The following ZNRF1 variants were observed in gnomAD, a reference collection of about 807,000 sequenced individuals.
ZNRF1 encodes E3 ubiquitin-protein ligase ZNRF1.
Under a neutral mutation model 18.4 loss-of-function variants are expected in ZNRF1, and 3 were observed. The ratio of observed to expected loss-of-function variants is 0.16; its 90% confidence interval spans 0.07 to 0.42. The LOEUF (loss-of-function observed/expected upper bound fraction) is 0.42, where lower values mean the gene tolerates loss of function less well. ZNRF1 is among the 10% of genes least tolerant of loss of function. The pLI is 0.99. For missense variants in ZNRF1, 310 were observed against 329.8 expected (o/e 0.94, Z 0.47); for synonymous variants, 157 against 144.2 (o/e 1.09, Z -0.64).
At chr16:75,080,316 CAGAA>C (rs2035994656) in intron 1 of ZNRF1, among the ~76,000 whole-genome samples, 1 of 152,182 alleles carries the variant, frequency 6.6e-6, no homozygotes, top group African/African-American at 2.4e-5. Context: ...CCTCCAGTGA[CAGAA>C]AGGCTGGGCT....
chr16:75,086,948 G>C (rs920997710), intron 1 of ZNRF1, among the ~76,000 whole-genome samples: 17 of 152,148 alleles, frequency 1.1e-4, no homozygotes, highest in Non-Finnish European at 1.9e-4. Flanking sequence ...CATGGGGAGG[G>C]GGGCAGAAGG....
rs2035869593 is a variant in ZNRF1 at position 75,071,456 on chromosome 16, G to A, written c.425-22116G>A. ...CTCCACAGAGACCTCAGCAAGGGCC[G>A]TCAATCCAAATGCTGATGGTGGCCT... is the stretch of plus-strand genomic sequence containing the variant. On this transcript the variant is annotated intron_variant, in intron 1 of 4. Coordinates refer to ENST00000335325, the MANE Select transcript of ZNRF1 (RefSeq NM_032268.5). Among the ~76,000 whole-genome samples, 3 of 152,130 alleles carry A rather than the reference G, an allele frequency of 2.0e-5. No individual in the cohort carries two copies. The South Asian group carries it at 6.2e-4, about 32-fold the overall frequency.
chr16:75,044,912 G>A (rs2035495390), intron 1 of ZNRF1, among the ~76,000 whole-genome samples: 1 of 152,114 alleles, frequency 6.6e-6, no homozygotes, highest in Admixed American at 6.5e-5. Context: ...GTCACCCATG[G>A]GCCTATTCAA....
intron 1 of ZNRF1, among the ~76,000 whole-genome samples, chr16:75,063,087 C>T (rs1017883261): frequency 6.6e-6 from 1 of 152,234 alleles, no homozygotes; most frequent in African/African-American, 2.4e-5. Flanking sequence ...GCATAAGCCT[C>T]ACTTTACGAG....
intron 1 of ZNRF1, among the ~76,000 whole-genome samples, chr16:75,032,565 A>G (rs957088448): frequency 1.3e-5 from 2 of 152,054 alleles, no homozygotes; most frequent in Non-Finnish European, 2.9e-5. Context: ...CACAAAGAAA[A>G]TTAAAGACTT....
intron 1 of ZNRF1, among the ~76,000 whole-genome samples, chr16:75,019,977 C>G (rs2035123136): frequency 1.3e-5 from 2 of 152,204 alleles, no homozygotes; most frequent in African/African-American, 4.8e-5. Context: ...TCCCAAAGTG[C>G]TGGGATTACA....
At chr16:75,076,458 C>T (rs1277524761) in intron 1 of ZNRF1, among the ~76,000 whole-genome samples, 2 of 151,978 alleles carry the variant, frequency 1.3e-5, no homozygotes, top group African/African-American at 4.8e-5. Context: ...TTCTTCTCTT[C>T]CCTAATGGGT....
At chr16:75,007,673 A>G (rs1377441894) in intron 1 of ZNRF1, among the ~76,000 whole-genome samples, 4 of 152,126 alleles carry the variant, frequency 2.6e-5, no homozygotes, top group African/African-American at 9.7e-5. Flanking sequence ...AGATGACTGG[A>G]CCCCACTCAC....
chr16:75,104,875 CATCTATCACA>C lies in ZNRF1; in HGVS notation c.614_623del (p.Ile205LysfsTer4). The C allele has an allele frequency of 1.2e-6, 2 of 1,603,284 alleles. No individual in the cohort carries two copies. The highest frequency in any genetic ancestry group is 1.7e-6 in the Non-Finnish European group (2 of 1,175,592). On this transcript the variant is annotated frameshift_variant, in exon 3 of 5. Coordinates refer to ENST00000335325, the MANE Select transcript of ZNRF1 (RefSeq NM_032268.5). LOFTEE classifies it high-confidence loss of function. ...CGATAGCCAGGCTGCCCTGCCTGTGCATCTATCACAAAAGGTAGGAGGGGTTGGCAAGGTA... is the reference window on the plus strand; with the variant it reads ...CGATAGCCAGGCTGCCCTGCCTGTGCAAAGGTAGGAGGGGTTGGCAAGGTA...
intron 1 of ZNRF1, among the ~76,000 whole-genome samples, chr16:75,019,651 T>G (rs902046433): frequency 1.3e-5 from 2 of 152,206 alleles, no homozygotes; most frequent in African/African-American, 2.4e-5. Flanking sequence ...TGTCCTTACA[T>G]CAAGCTTATC....
At chr16:75,092,102 C>A (rs2036147045) in intron 1 of ZNRF1, among the ~76,000 whole-genome samples, 1 of 151,902 alleles carries the variant, frequency 6.6e-6, no homozygotes, top group Non-Finnish European at 1.5e-5. Context: ...GGTTCAAGAC[C>A]AGCCTAGGCA....
chr16:75,099,749 G>C (rs768443953), intron 2 of ZNRF1, among the ~76,000 whole-genome samples: 3 of 152,210 alleles, frequency 2.0e-5, no homozygotes, highest in Non-Finnish European at 2.9e-5. Flanking sequence ...TGTGGGCCAG[G>C]CGCCTGGGTT....
chr16:75,043,383 T>C (rs968365450), intron 1 of ZNRF1, among the ~76,000 whole-genome samples: 1 of 152,168 alleles, frequency 6.6e-6, no homozygotes, highest in Non-Finnish European at 1.5e-5. Flanking sequence ...TTAAGGAACA[T>C]TTTTTCTCTT....
chr16:75,039,430 C>T (rs1037500844), intron 1 of ZNRF1, among the ~76,000 whole-genome samples: 1 of 152,084 alleles, frequency 6.6e-6, no homozygotes, highest in Non-Finnish European at 1.5e-5. Flanking sequence ...TCATTTTCAA[C>T]CCAGGAACAC....
At chr16:75,102,456 G>C (rs1362077252) in intron 2 of ZNRF1, among the ~76,000 whole-genome samples, 4 of 152,308 alleles carry the variant, frequency 2.6e-5, no homozygotes, top group Non-Finnish European at 4.4e-5. Context: ...GGACAGTTAA[G>C]TTCCTTTAGT....
chr16:75,078,686 A>G (rs553408815), intron 1 of ZNRF1, among the ~76,000 whole-genome samples: 2 of 152,352 alleles, frequency 1.3e-5, no homozygotes, highest in South Asian at 2.1e-4. Context: ...AGAGAATGTT[A>G]CAATCAATGT....
Position 75,000,086 on chromosome 16 carries a change from T to G in ZNRF1, c.415T>G (p.Ser139Ala). Residue 139 changes from serine to alanine, a missense_variant, in exon 1 of 5, where the codon TCG becomes GCG. Physicochemically the swap from Ser to Ala is moderately conservative, Grantham distance 99. Transcript: ENST00000335325. ...PLHIAPRWFS[S>A]HSGFKCPICS... ...GCACATCGCACCCAGGTGGTTCAGC[T>G]CGCATAGTGGTGAGTCCGCGGGTGG... 1.2e-6 allele frequency: 2 copies of G among 1,600,898 alleles called. No homozygotes were observed. Among genetic ancestry groups the G allele is most frequent in the South Asian group, 2.3e-5 (2 of 88,334 alleles).
Position 74,999,542 on chromosome 16 carries a change from T to G in ZNRF1, c.-130T>G. ...TTTCCTTTTTTCCTTTTGCTTTTTT[T>G]CCTTTTCTCCCTCCGGGTCTCCTTT... On this transcript the variant is annotated 5_prime_UTR_variant, in exon 1 of 5. Coordinates refer to ENST00000335325, the MANE Select transcript of ZNRF1 (RefSeq NM_032268.5). 1 of 670,480 alleles carries G rather than the reference T, an allele frequency of 1.5e-6. No homozygotes were observed. The highest frequency in any genetic ancestry group is 2.1e-6 in the Non-Finnish European group (1 of 470,690). The allele number at this position is 670,480 out of a possible 1,614,324, so 41.5% of individuals were successfully genotyped here. A position where few individuals can be genotyped will look rare whatever the true frequency, so the allele number is the denominator to read the frequency against.
intron 1 of ZNRF1, among the ~76,000 whole-genome samples, chr16:75,079,610 C>T (rs897437172): frequency 6.6e-6 from 1 of 152,210 alleles, no homozygotes; most frequent in Admixed American, 6.5e-5. Context: ...AGTATGAAGG[C>T]CTTCTCTCAC....
Sources: gnomAD v4.1 joint callset for allele counts (sites outside exome capture counted in the v4.1 genomes callset) on GRCh38, gnomAD v4.1.1 for gene constraint, MANE v1.5 for transcripts, NCBI Gene and HGNC (gene_info 2026-07-23, HGNC 2026-07-21) for gene names.